Variants in PFKFB3 observed in about 807,000 individuals in gnomAD.
PFKFB3 encodes 6-phosphofructo-2-kinase/fructose-2,6-bisphosphatase 3.
A neutral mutation model predicts 68.0 loss-of-function variants in PFKFB3; 33 were observed. That is an observed-to-expected ratio of 0.49 (90% CI 0.37 to 0.65). The LOEUF (loss-of-function observed/expected upper bound fraction) is 0.65. Ranked by LOEUF, PFKFB3 falls within the 30% of genes least tolerant of loss-of-function variation. The pLI, the probability that PFKFB3 is intolerant of heterozygous loss-of-function variation, is 0.00. For missense variants in PFKFB3, 586 were observed against 712.2 expected (o/e 0.82, Z 2.02); for synonymous variants, 315 against 288.2 (o/e 1.09, Z -0.94).
intron 13 of PFKFB3, among the ~76,000 whole-genome samples, chr10:6,224,905 C>T (rs1352617970): frequency 6.6e-6 from 1 of 151,550 alleles, no homozygotes; most frequent in Non-Finnish European, 1.5e-5. Flanking sequence ...GTCAGCGCCG[C>T]CATGTGCTTG....
chr10:6,192,366 CTTTT>C (rs149846128), intron 1 of PFKFB3, among the ~76,000 whole-genome samples: 12 of 113,058 alleles, frequency 1.1e-4, no homozygotes, highest in Non-Finnish European at 1.4e-4. Context: ...TTTCTTTCTT[CTTTT>C]TTTTTTTTTT....
chr10:6,262,280 CT>C, the PFKFB3 span, among the ~76,000 whole-genome samples: 2 of 151,398 alleles, frequency 1.3e-5, no homozygotes, highest in Non-Finnish European at 2.9e-5. Context: ...TGGTGAAACC[CT>C]GTCTCTACTA....
In PFKFB3 at chr10:6,220,739, C is replaced by A; in HGVS notation, c.705C>A (p.Ile235=). 6.2e-7 allele frequency: 1 copy of A among 1,614,090 alleles called. No homozygotes were observed. Among genetic ancestry groups the A allele is most frequent in the South Asian group, 1.1e-5 (1 of 91,076 alleles). ...NRVQDHIQSR[I]VYYLMNIHVQ... is the part of the protein sequence containing the mutation. ...TGCAGGACCACATCCAGAGCCGCAT[C>A]GTGTACTACCTGATGAACATCCACG... The change falls in exon 8 of 15, where the codon ATC becomes ATA. Residue 235 remains isoleucine, a synonymous_variant. Coordinates refer to ENST00000379775, the MANE Select transcript of PFKFB3 (RefSeq NM_004566.4). This position sits in a 1 kb window ranked among gnomAD's most constrained non-coding sequence, Gnocchi z 4.1.
intron 1 of PFKFB3, among the ~76,000 whole-genome samples, chr10:6,196,635 C>T (rs1414390467): frequency 2.6e-5 from 4 of 152,202 alleles, no homozygotes; most frequent in Non-Finnish European, 5.9e-5. Context: ...CCAGTCTAGT[C>T]TTTCCACGGT....
At chr10:6,156,586 C>T (rs1283211607) in intron 1 of PFKFB3, among the ~76,000 whole-genome samples, 1 of 152,022 alleles carries the variant, frequency 6.6e-6, no homozygotes, top group Admixed American at 6.6e-5. Context: ...CGGCTCACTG[C>T]AACCTCTGCC....
chr10:6,166,821 C>CTTTTTTTTTTTTTTTTTTTTT (rs144747290), intron 1 of PFKFB3, among the ~76,000 whole-genome samples: 3 of 95,274 alleles, frequency 3.1e-5, no homozygotes, highest in African/African-American at 3.9e-5. Flanking sequence ...CCTTCTTCTT[C>CTTTTTTTTTTTTTTTTTTTTT]TTTTTTTTTT....
intron 14 of PFKFB3, among the ~76,000 whole-genome samples, chr10:6,248,315 A>C (rs991932029): frequency 6.6e-6 from 1 of 152,050 alleles, no homozygotes; most frequent in Non-Finnish European, 1.5e-5. Context: ...TTCTCAAACC[A>C]CTCTACGGAA....
intron 1 of PFKFB3, among the ~76,000 whole-genome samples, chr10:6,172,773 G>C (rs1842351830): frequency 6.6e-6 from 1 of 151,598 alleles, no homozygotes; most frequent in East Asian, 1.9e-4. Flanking sequence ...AGTGAGCTGT[G>C]ATTGTGCCAC....
chr10:6,218,800 ACT>A (rs1392742786), intron 6 of PFKFB3, among the ~76,000 whole-genome samples: 1 of 152,044 alleles, frequency 6.6e-6, no homozygotes, highest in East Asian at 1.9e-4. Context: ...CAACCGCCAC[ACT>A]CTATCCGCAG....
rs560037023 is a variant in PFKFB3, at chr10:6,229,910, C to T, written c.1516-2985C>T. On this transcript the variant is annotated intron_variant, in intron 14 of 14. Transcript: ENST00000379775. The surrounding 1 kb of genome is among the most constrained non-coding windows in gnomAD (Gnocchi z 4.3). ...CCTAGATCCCTCGTGTGTGCTCCTC[C>T]GAGTCAGGTGGTAATGTTGGCCCAC... Among the ~76,000 whole-genome samples, 2 of 152,164 alleles carry T rather than the reference C, an allele frequency of 1.3e-5. No individual in the cohort carries two copies. The highest frequency in any genetic ancestry group is 2.4e-5 in the African/African-American group (1 of 41,526).
chr10:6,302,406 G>C, the PFKFB3 span, among the ~76,000 whole-genome samples: 2 of 106,204 alleles, frequency 1.9e-5, no homozygotes, highest in African/African-American at 8.2e-5. Flanking sequence ...TTTTGAGACG[G>C]AGTCTTGTTC....
At position 6,221,704 on chromosome 10, in the gene PFKFB3, C is replaced by A. The variant is rs746812707; in HGVS notation, c.1042C>A (p.Arg348=). ...RDTYPEEYAL[R]EQDKYYYRYP... is the part of the protein sequence containing the mutation. ...CACCTACCCTGAGGAGTATGCGCTG[C>A]GGGAGCAGGACAAGTACTATTACCG... Residue 348 remains arginine, a synonymous_variant, in exon 10 of 15, where the codon CGG becomes AGG. Transcript: ENST00000379775. 25 of 1,609,112 alleles carry A rather than the reference C, an allele frequency of 1.6e-5. No individual in the cohort carries two copies. Among genetic ancestry groups the A allele is most frequent in the Non-Finnish European group, 2.0e-5 (23 of 1,178,352 alleles).
At chr10:6,250,213 G>A (rs1301711276) in intron 14 of PFKFB3, among the ~76,000 whole-genome samples, 9 of 152,154 alleles carry the variant, frequency 5.9e-5, no homozygotes, top group Non-Finnish European at 1.3e-4. Flanking sequence ...TATAAGAGAT[G>A]TGCTATGGTT....
the PFKFB3 span, among the ~76,000 whole-genome samples, chr10:6,325,817 T>C: frequency 6.6e-6 from 1 of 152,212 alleles, no homozygotes; most frequent in African/African-American, 2.4e-5. Context: ...AGTGTATTCT[T>C]ATAGTAACCC....
At chr10:6,237,013 C>G (rs1294324983), downstream of PFKFB3, among the ~76,000 whole-genome samples, 1 of 152,202 alleles carries the variant, frequency 6.6e-6, no homozygotes, top group Non-Finnish European at 1.5e-5. Context: ...CTTCTCACTC[C>G]CTTAGCTCCG....
At chr10:6,288,545 A>G in the PFKFB3 span, among the ~76,000 whole-genome samples, 2 of 151,532 alleles carry the variant, frequency 1.3e-5, no homozygotes, top group African/African-American at 4.9e-5. Context: ...ATCCTTTTTT[A>G]TGGCTGCATA....
intron 1 of PFKFB3, among the ~76,000 whole-genome samples, chr10:6,147,575 C>T (rs1448479249): frequency 6.6e-6 from 1 of 152,232 alleles, no homozygotes; most frequent in East Asian, 1.9e-4. Context: ...GCATTAGCAC[C>T]TTGAGGTTTA....
chr10:6,270,007 G>A, the PFKFB3 span, among the ~76,000 whole-genome samples: 4,009 of 151,916 alleles, frequency 0.026, 183 homozygotes, highest in African/African-American at 0.092. Context: ...TGGTGTGCAC[G>A]TGTAGTCCCA....
the PFKFB3 span, among the ~76,000 whole-genome samples, chr10:6,322,044 G>A: frequency 9.7e-4 from 148 of 152,198 alleles, no homozygotes; most frequent in African/African-American, 3.5e-3. Flanking sequence ...TTAATCCAGC[G>A]CTTTCCCCTG....
Sources: gnomAD v4.1 joint callset for allele counts (sites outside exome capture counted in the v4.1 genomes callset) on GRCh38, gnomAD v4.1.1 for gene constraint, Gnocchi (gnomAD v3.1) non-coding constraint, MANE v1.5 for transcripts, NCBI Gene and HGNC (gene_info 2026-07-23, HGNC 2026-07-21) for gene names.